Variants in PLEKHG7 observed in about 807,000 individuals in gnomAD.
PLEKHG7 encodes pleckstrin homology and RhoGEF domain containing G7, also known as pleckstrin homology domain-containing family G member 7.
PLEKHG7 carries 77 observed loss-of-function variants against 85.2 expected under a neutral mutation model. That is an observed-to-expected ratio of 0.90 (90% CI 0.75 to 1.09). The LOEUF is 1.09. PLEKHG7 is among the 50% of genes least tolerant of loss of function. The pLI is 0.00. For synonymous variants in PLEKHG7, 301 were observed against 302.4 expected (o/e 1.00, Z 0.05); for missense variants, 777 against 804.3 (o/e 0.97, Z 0.41).
At chr12:92,721,879 C>T (rs1163615307) in intron 3 of PLEKHG7, among the ~76,000 whole-genome samples, 2 of 151,992 alleles carry the variant, frequency 1.3e-5, no homozygotes, top group Non-Finnish European at 2.9e-5. Flanking sequence ...GCTTAGTCCT[C>T]CTGTGAGGAA....
intron 3 of PLEKHG7, 104 bp downstream of exon 3, chr12:92,707,776 A>G: frequency 1.3e-6 from 2 of 1,581,348 alleles, no homozygotes; most frequent in South Asian, 1.1e-5. Flanking sequence ...TGTGTTAACC[A>G]GTGCACTTTG....
At chr12:92,750,649 A>T (rs183117135) in intron 10 of PLEKHG7, among the ~76,000 whole-genome samples, 2 of 152,160 alleles carry the variant, frequency 1.3e-5, no homozygotes, top group African/African-American at 4.8e-5. Flanking sequence ...CCAGCCACCC[A>T]AGAGGTCCAG....
chr12:92,761,528 C>G (rs1872987400), intron 13 of PLEKHG7, among the ~76,000 whole-genome samples: 1 of 124,712 alleles, frequency 8.0e-6, no homozygotes, highest in African/African-American at 3.0e-5. Context: ...CTAAGGAATT[C>G]ATTGATTAAA....
Position 92,720,950 on chromosome 12 carries a change from A to C in PLEKHG7, c.531-8043A>C, listed in dbSNP as rs139957358. Among the ~76,000 whole-genome samples the C allele has an allele frequency of 2.4e-4, 36 of 152,276 alleles. No homozygotes were observed. In the South Asian group the frequency reaches 5.6e-3, roughly 24 times the overall value. ...CAAGTCTTCTTGGAGTCAGACCTGC[A>C]TATTTGAATTTCTAATTCTAGCTCT... On this transcript the variant is annotated intron_variant, in intron 3 of 16. Transcript: ENST00000344636.
chr12:92,741,538 T>C lies in PLEKHG7; in HGVS notation c.1083T>C (p.Tyr361=). ...GTCTCTTTGGCATCATCAAGGACTATGTAGACGCTTCTGAGATTTCCTCAT... is the reference window on the plus strand; with the variant it reads ...GTCTCTTTGGCATCATCAAGGACTACGTAGACGCTTCTGAGATTTCCTCAT... ...VNSLFGIIKD[Y]VDASEISSSL... is the part of the protein sequence containing the mutation. The change falls in exon 9 of 17, where the codon TAT becomes TAC. Residue 361 remains tyrosine, a synonymous_variant. Coordinates refer to ENST00000344636, the MANE Select transcript of PLEKHG7 (RefSeq NM_001377329.1). 5 of 1,613,664 alleles carry C rather than the reference T, an allele frequency of 3.1e-6. No homozygotes were observed. The highest frequency in any genetic ancestry group is 3.4e-6 in the Non-Finnish European group (4 of 1,179,820).
chr12:92,763,711 G>A (rs921601508), intron 14 of PLEKHG7, among the ~76,000 whole-genome samples: 12 of 152,050 alleles, frequency 7.9e-5, no homozygotes, highest in African/African-American at 2.9e-4. Flanking sequence ...AGCTACTTGA[G>A]AGGCTGAGAT....
At position 92,770,349 on chromosome 12, in the gene PLEKHG7, C is replaced by A; in HGVS notation, c.*154C>A. On this transcript the variant is annotated 3_prime_UTR_variant, in exon 17 of 17. Transcript: ENST00000344636. ...TGAAATTTTGAGCTAGGAAAATCCTCAGTATAGAGGAATAATGACTGCAAC... is the reference window on the plus strand; with the variant it reads ...TGAAATTTTGAGCTAGGAAAATCCTAAGTATAGAGGAATAATGACTGCAAC... 1 of 628,538 alleles carries A rather than the reference C, an allele frequency of 1.6e-6. No individual in the cohort carries two copies. 38.9% of individuals were successfully genotyped at this position (628,538 alleles called of 1,614,324 possible).
At chr12:92,750,273 A>G (rs1391476414) in intron 10 of PLEKHG7, among the ~76,000 whole-genome samples, 1 of 152,116 alleles carries the variant, frequency 6.6e-6, no homozygotes, top group Admixed American at 6.6e-5. Context: ...ATCTCTCTCA[A>G]TGGAAGTGTT....
In PLEKHG7 at chr12:92,761,809, C is replaced by T. The variant is rs138905927; in HGVS notation, c.1694C>T (p.Thr565Met). ...LFLFNDFLLV[T>M]KTKCNKKKLG... ...CTCTTCAATGATTTCCTCTTAGTTA[C>T]GAAAACTAAGTGCAACAAAAAGGTA... Residue 565 changes from threonine to methionine, a missense_variant, in exon 14 of 17, where the codon ACG (threonine) becomes ATG (methionine). By Grantham distance (81) the Thr-to-Met change is moderately conservative (BLOSUM62 -1). This residue lies in a region of PLEKHG7 where 520 missense variants were observed against 544.0 expected (regional missense o/e 0.96). Coordinates refer to ENST00000344636, the MANE Select transcript of PLEKHG7 (RefSeq NM_001377329.1). The T allele has an allele frequency of 7.4e-5, 116 of 1,575,892 alleles. No homozygotes were observed. Among genetic ancestry groups the T allele is most frequent in the African/African-American group, 7.1e-4 (51 of 72,234 alleles).
chr12:92,708,487 T>A (rs1478021111), intron 3 of PLEKHG7: 1 of 152,222 alleles, frequency 6.6e-6, no homozygotes, highest in Non-Finnish European at 1.5e-5. Context: ...CATAGGGAAA[T>A]GCAAATTGTT....
intron 1 of PLEKHG7, among the ~76,000 whole-genome samples, chr12:92,704,202 C>CAGTGCGA (rs1210721076): frequency 6.6e-6 from 1 of 151,772 alleles, no homozygotes; most frequent in Non-Finnish European, 1.5e-5. Flanking sequence ...TTTGAGGTTA[C>CAGTGCGA]AGTGCGATAT....
chr12:92,727,185 C>A (rs1410631710), intron 3 of PLEKHG7, among the ~76,000 whole-genome samples: 2 of 152,214 alleles, frequency 1.3e-5, no homozygotes, highest in Non-Finnish European at 2.9e-5. Flanking sequence ...AGGCAGCTCG[C>A]AGCCATTCTG....
rs1484958208 is a variant in PLEKHG7 at position 92,755,888 on chromosome 12, T to C, written c.1490T>C (p.Ile497Thr). 6.2e-7 allele frequency: 1 copy of C among 1,613,568 alleles called. No homozygotes were observed. The highest frequency in any genetic ancestry group is 1.3e-5 in the African/African-American group (1 of 74,984). The change falls in exon 12 of 17, where the codon ATT (isoleucine) becomes ACT (threonine). Residue 497 changes from isoleucine (I) to threonine (T), a missense_variant. Physicochemically the swap from Ile to Thr is moderately conservative, Grantham distance 89. Transcript: ENST00000344636. ...NFQKFRYLQE[I>T]IVWPPLWDRD... ...CAAAAATTTAGATATCTACAGGAGA[T>C]TATAGTGTGGCCACCGCTTTGGGAT...
intron 3 of PLEKHG7, among the ~76,000 whole-genome samples, chr12:92,724,219 A>C (rs1402851154): frequency 6.6e-6 from 1 of 152,170 alleles, no homozygotes; most frequent in Non-Finnish European, 1.5e-5. Context: ...CTAATCCATT[A>C]TGTGTCAATC....
chr12:92,753,446 T>C (rs898442982), intron 10 of PLEKHG7, among the ~76,000 whole-genome samples: 2 of 152,184 alleles, frequency 1.3e-5, no homozygotes, highest in East Asian at 1.9e-4. Flanking sequence ...CAATACTTAC[T>C]ACAATTACTA....
At position 92,734,891 on chromosome 12, in the gene PLEKHG7, T is replaced by C. The variant is rs1872093981; in HGVS notation, c.700-1591T>C. On this transcript the variant is annotated intron_variant, in intron 5 of 16. Coordinates refer to ENST00000344636, the MANE Select transcript of PLEKHG7 (RefSeq NM_001377329.1). ...CTCGATTTCTTTACCCTGTGTATCC[T>C]CTCTCGTAACCTTCAAATGCTTCTC... Among the ~76,000 whole-genome samples the C allele has an allele frequency of 3.3e-5, 5 of 152,358 alleles. No individual in the cohort carries two copies. The South Asian group carries it at 1.0e-3, about 32-fold the overall frequency.
rs750508475 is a variant in PLEKHG7 at position 92,706,911 on chromosome 12, G to T, written c.280G>T (p.Asp94Tyr). 12 of 1,613,982 alleles carry T rather than the reference G, an allele frequency of 7.4e-6. No homozygotes were observed. The East Asian group carries it at 1.6e-4, about 21-fold the overall frequency. ...GAAGAGCCTGCCAGGAAGCCCAAAG[G>T]ATTCTTCACACTTGCTGTCACCCTT... ...LSKSLPGSPK[D>Y]SSHLLSPLRL... Residue 94 changes from aspartate to tyrosine, a missense_variant, in exon 2 of 17, where the codon GAT becomes TAT. Coordinates refer to ENST00000344636, the MANE Select transcript of PLEKHG7 (RefSeq NM_001377329.1).
At chr12:92,715,018 GGATAGATA>G (rs10563574) in intron 3 of PLEKHG7, among the ~76,000 whole-genome samples, 8,362 of 147,480 alleles carry the variant, frequency 0.057, 235 homozygotes, top group East Asian at 0.083. Flanking sequence ...AGAACTAATG[GGATAGATA>G]GATAGATAGA....
At chr12:92,764,310 G>T in intron 15 of PLEKHG7, 116 bp downstream of exon 15, 1 of 1,048,898 alleles carries the variant, frequency 9.5e-7, no homozygotes, top group Non-Finnish European at 1.4e-6. Context: ...ACAAGACTGT[G>T]TTCCTATGTG....
Sources: gnomAD v4.1 joint callset for allele counts (sites outside exome capture counted in the v4.1 genomes callset) on GRCh38, gnomAD v4.1.1 for gene constraint, gnomAD v4.1.1 regional missense constraint, MANE v1.5 for transcripts, NCBI Gene and HGNC (gene_info 2026-07-23, HGNC 2026-07-21) for gene names.